Variants in MYO3A observed in about 807,000 individuals in gnomAD.
MYO3A encodes the protein myosin-IIIa.
MYO3A carries 180 observed loss-of-function variants against 192.7 expected under a neutral mutation model. That is an observed-to-expected ratio of 0.93 (90% CI 0.83 to 1.06). The LOEUF (loss-of-function observed/expected upper bound fraction) is 1.06. Ranked by LOEUF, MYO3A falls within the 50% of genes least tolerant of loss-of-function variation. The pLI, the probability that MYO3A is intolerant of heterozygous loss-of-function variation, is 0.00. For missense variants in MYO3A, 1,896 were observed against 1,905.0 expected, an observed-to-expected ratio of 1.00 and a Z score of 0.09; for synonymous variants, 628 against 645.3, an observed-to-expected ratio of 0.97 and a Z score of 0.41.
chr10:26,170,672 C>T (rs1842007167), intron 29 of MYO3A, 133 bp downstream of exon 29: 4 of 945,254 alleles, frequency 4.2e-6, no homozygotes, highest in Non-Finnish European at 4.8e-6. Context: ...TCAGTGAACA[C>T]CCAGAGGCTA....
intron 2 of MYO3A, among the ~76,000 whole-genome samples, chr10:25,946,104 A>G (rs1215578990): frequency 1.3e-5 from 2 of 152,202 alleles, no homozygotes; most frequent in Non-Finnish European, 2.9e-5. Flanking sequence ...TTTGAAATTC[A>G]AGATAAAAAA....
intron 2 of MYO3A, among the ~76,000 whole-genome samples, chr10:25,942,253 C>T (rs560453461): frequency 6.6e-6 from 1 of 152,214 alleles, no homozygotes; most frequent in Non-Finnish European, 1.5e-5. Context: ...CTGCCTGCCT[C>T]AGCCTCCAAA....
intron 17 of MYO3A, among the ~76,000 whole-genome samples, chr10:26,117,792 G>A (rs1233274357): frequency 6.6e-6 from 1 of 152,116 alleles, no homozygotes; most frequent in Non-Finnish European, 1.5e-5. Context: ...GAATAGTGCT[G>A]CAATGAACAT....
chr10:26,120,183 T>TA (rs1838770733), intron 17 of MYO3A, among the ~76,000 whole-genome samples: 1 of 151,922 alleles, frequency 6.6e-6, no homozygotes. Flanking sequence ...AAAAAAATCT[T>TA]ACGCTTACAT....
intron 11 of MYO3A, among the ~76,000 whole-genome samples, chr10:26,067,276 G>A (rs1834912978): frequency 6.6e-6 from 1 of 152,134 alleles, no homozygotes; most frequent in Non-Finnish European, 1.5e-5. Flanking sequence ...CTTATCTTCA[G>A]TTTTAATCTA....
chr10:26,175,511 G>A (rs1280630030), intron 30 of MYO3A, among the ~76,000 whole-genome samples: 1 of 152,122 alleles, frequency 6.6e-6, no homozygotes, highest in Non-Finnish European at 1.5e-5. Context: ...ATATTCCTGA[G>A]TCCCTAAACT....
chr10:26,052,737 T>C (rs17738937), intron 10 of MYO3A, among the ~76,000 whole-genome samples: 24,713 of 152,256 alleles, frequency 0.16, 2,305 homozygotes, highest in Non-Finnish European at 0.21. Flanking sequence ...TACAAGAGTA[T>C]TTTAAAGCAA....
At chr10:26,059,289 T>C (rs141884115) in intron 10 of MYO3A, among the ~76,000 whole-genome samples, 126 of 152,334 alleles carry the variant, frequency 8.3e-4, no homozygotes, top group African/African-American at 3.0e-3. Flanking sequence ...AAGCTTCTAA[T>C]TTCTCATCAT....
chr10:26,065,321 C>T (rs758026311), intron 10 of MYO3A, among the ~76,000 whole-genome samples: 2 of 152,052 alleles, frequency 1.3e-5, no homozygotes, highest in African/African-American at 2.4e-5. Flanking sequence ...TGGTGGCTCA[C>T]GCCTATAATC....
intron 4 of MYO3A, among the ~76,000 whole-genome samples, chr10:25,994,050 TCAATTCCTGG>T (rs1261705111): frequency 2.0e-5 from 3 of 152,166 alleles, no homozygotes; most frequent in Non-Finnish European, 4.4e-5. Flanking sequence ...AGAGCTGAAT[TCAATTCCTGG>T]ATATCCTTGT....
At chr10:25,974,267 G>A (rs1369958135) in intron 4 of MYO3A, among the ~76,000 whole-genome samples, 1 of 152,106 alleles carries the variant, frequency 6.6e-6, no homozygotes, top group African/African-American at 2.4e-5. Flanking sequence ...TGCACATTCT[G>A]CACATGTATC....
intron 4 of MYO3A, among the ~76,000 whole-genome samples, chr10:25,990,675 C>G (rs1217092620): frequency 7.8e-6 from 1 of 127,900 alleles, no homozygotes; most frequent in Non-Finnish European, 1.6e-5. Flanking sequence ...CCCCACCCCA[C>G]AACAGGCCCT....
chr10:26,146,805 A>G (rs1259491297), intron 22 of MYO3A, among the ~76,000 whole-genome samples: 1 of 152,098 alleles, frequency 6.6e-6, no homozygotes, highest in East Asian at 1.9e-4. Flanking sequence ...TTTGGATAAC[A>G]TTGATCTTTA....
intron 17 of MYO3A, among the ~76,000 whole-genome samples, chr10:26,108,315 C>T: frequency 6.6e-6 from 1 of 152,200 alleles, no homozygotes; most frequent in Non-Finnish European, 1.5e-5. Flanking sequence ...CAGCTTTAAA[C>T]AGTCAATGTG....
At chr10:26,052,449 G>T (rs969592285) in intron 10 of MYO3A, among the ~76,000 whole-genome samples, 1 of 152,146 alleles carries the variant, frequency 6.6e-6, no homozygotes, top group African/African-American at 2.4e-5. Context: ...AGGCTGGTGT[G>T]TGCTTCCTTC....
chr10:26,158,105 A>C (rs2131940006), intron 26 of MYO3A, among the ~76,000 whole-genome samples: 1 of 152,290 alleles, frequency 6.6e-6, no homozygotes, highest in African/African-American at 2.4e-5. Context: ...ATCTGCTCTA[A>C]CTACCTGATA....
At chr10:25,952,572 G>A (rs1028693017) in intron 3 of MYO3A, among the ~76,000 whole-genome samples, 5 of 152,072 alleles carry the variant, frequency 3.3e-5, no homozygotes, top group East Asian at 3.9e-4. Flanking sequence ...ATGAAAAATT[G>A]TAAAGATACA....
Position 26,070,108 on chromosome 10 carries a change from T to C in MYO3A, c.1171-3T>C. 4 of 1,598,792 alleles carry C rather than the reference T, an allele frequency of 2.5e-6. No homozygotes were observed. Among genetic ancestry groups the C allele is most frequent in the Non-Finnish European group, 2.6e-6 (3 of 1,166,938 alleles). ...TACAAAATGTATTCTTTTTAACCTT[T>C]AGCATTCCAAACTATATATTGGATC... On this transcript the variant is annotated splice_polypyrimidine_tract_variant and splice_region_variant and intron_variant, in intron 12 of 34. Transcript: ENST00000642920.
At position 26,038,823 on chromosome 10, in the gene MYO3A, T is replaced by C. The variant is rs979594528; in HGVS notation, c.953+12291T>C. 2.0e-5 allele frequency among the ~76,000 whole-genome samples: 3 copies of C among 152,214 alleles called. No individual in the cohort carries two copies. In the East Asian group the frequency reaches 5.8e-4, roughly 29 times the overall value. On this transcript the variant is annotated intron_variant, in intron 10 of 34. Transcript: ENST00000642920. ...TGATAGTAGTTATGGATCTGACATA[T>C]GTTCGTTTTATTTTGTTAAGGTATG...
Sources: gnomAD v4.1 joint callset for allele counts (sites outside exome capture counted in the v4.1 genomes callset) on GRCh38, gnomAD v4.1.1 for gene constraint, MANE v1.5 for transcripts, NCBI Gene and HGNC (gene_info 2026-07-23, HGNC 2026-07-21) for gene names.